CAMTA1: variants seen among roughly 807,000 people sequenced by gnomAD.
CAMTA1 encodes the protein calmodulin-binding transcription activator 1.
Under a neutral mutation model 170.9 loss-of-function variants are expected in CAMTA1, and 27 were observed. The ratio of observed to expected loss-of-function variants is 0.16; its 90% CI spans 0.12 to 0.22. CAMTA1 has a LOEUF of 0.22. Ranked by LOEUF, CAMTA1 falls within the 10% of genes least tolerant of loss-of-function variation. The pLI, the probability that CAMTA1 is intolerant of heterozygous loss-of-function variation, is 1.00. For missense variants in CAMTA1, 1,619 were observed against 2,217.2 expected, an observed-to-expected ratio of 0.73 and a Z score of 5.42; for synonymous variants, 833 against 891.5, an observed-to-expected ratio of 0.93 and a Z score of 1.17.
chr1:7,494,738 A>G (rs2093797765), intron 6 of CAMTA1, among the ~76,000 whole-genome samples: 1 of 152,196 alleles, frequency 6.6e-6, no homozygotes, highest in African/African-American at 2.4e-5. Flanking sequence ...CCAGAAGTAG[A>G]GATTGCAGTG....
chr1:7,567,624 T>G lies in CAMTA1; in HGVS notation c.511-72776T>G, dbSNP rs531261952. Reference sequence around the variant, plus strand: ...GCACTGGTGGGTCCCACCTTGGTCCTGGATTATCCACATGTGAATCACCCA... The same window carrying G: ...GCACTGGTGGGTCCCACCTTGGTCCGGGATTATCCACATGTGAATCACCCA... On this transcript the variant is annotated intron_variant, in intron 6 of 22. Transcript: ENST00000303635. Among the ~76,000 whole-genome samples, 3 of 152,332 alleles carry G rather than the reference T, an allele frequency of 2.0e-5. No homozygotes were observed. The South Asian group carries it at 6.2e-4, about 32-fold the overall frequency.
chr1:7,281,531 G>A (rs947704042), intron 5 of CAMTA1, among the ~76,000 whole-genome samples: 8 of 152,246 alleles, frequency 5.3e-5, no homozygotes, highest in South Asian at 2.1e-4. Flanking sequence ...ACTTGAAAAC[G>A]AGCATGTTCT....
At chr1:6,908,094 T>C (rs1678936532) in intron 3 of CAMTA1, among the ~76,000 whole-genome samples, 1 of 152,214 alleles carries the variant, frequency 6.6e-6, no homozygotes, top group African/African-American at 2.4e-5. Flanking sequence ...CCCCAGACAG[T>C]GCCCACCCTG....
intron 3 of CAMTA1, among the ~76,000 whole-genome samples, chr1:6,855,527 A>T (rs1177330724): frequency 5.3e-5 from 8 of 151,878 alleles, no homozygotes; most frequent in African/African-American, 1.9e-4. Flanking sequence ...CTGAGAACTC[A>T]ATCATGAGAA....
chr1:7,595,790 T>C (rs905495903), intron 6 of CAMTA1, among the ~76,000 whole-genome samples: 1 of 152,238 alleles, frequency 6.6e-6, no homozygotes, highest in Non-Finnish European at 1.5e-5. Flanking sequence ...GATCTGAGTG[T>C]TGAGGTCTGA....
chr1:6,851,841 C>G (rs2148813480), intron 3 of CAMTA1, among the ~76,000 whole-genome samples: 1 of 152,104 alleles, frequency 6.6e-6, no homozygotes, highest in South Asian at 2.1e-4. Context: ...TGGTGAAACC[C>G]TGTCTCTACT....
Position 7,343,000 on chromosome 1 carries a change from A to G in CAMTA1, c.438+93374A>G, listed in dbSNP as rs1172300828. Among the ~76,000 whole-genome samples, 6 of 152,190 alleles carry G rather than the reference A, an allele frequency of 3.9e-5. No homozygotes were observed. The East Asian group carries it at 5.8e-4, about 15-fold the overall frequency. Reference sequence around the variant, plus strand: ...GGGCACCAGTCCTACAGAGCATCACACAGCGCCAGCCCTCTCTCCTTTTCT... The same window carrying G: ...GGGCACCAGTCCTACAGAGCATCACGCAGCGCCAGCCCTCTCTCCTTTTCT... On this transcript the variant is annotated intron_variant, in intron 5 of 22. Coordinates refer to ENST00000303635, the MANE Select transcript of CAMTA1 (RefSeq NM_015215.4).
chr1:7,034,973 C>G (rs1028804878), intron 3 of CAMTA1, among the ~76,000 whole-genome samples: 4 of 152,114 alleles, frequency 2.6e-5, no homozygotes, highest in Non-Finnish European at 5.9e-5. Flanking sequence ...GCTCATTTAG[C>G]TTGTAACTCA....
intron 6 of CAMTA1, among the ~76,000 whole-genome samples, chr1:7,555,239 T>G (rs934863196): frequency 6.6e-6 from 1 of 152,188 alleles, no homozygotes; most frequent in South Asian, 2.1e-4. Flanking sequence ...ACAGCTTCGA[T>G]TGACAGAAAG....
At chr1:7,127,870 C>G (rs1320075913) in intron 4 of CAMTA1, among the ~76,000 whole-genome samples, 1 of 152,178 alleles carries the variant, frequency 6.6e-6, no homozygotes, top group Non-Finnish European at 1.5e-5. Context: ...GCAACTTTGG[C>G]TCTTGGCTGG....
intron 4 of CAMTA1, among the ~76,000 whole-genome samples, chr1:7,098,225 T>C (rs557974372): frequency 1.3e-5 from 2 of 152,250 alleles, no homozygotes; most frequent in Non-Finnish European, 2.9e-5. Flanking sequence ...TTTAGGACTC[T>C]GCACTTTGGA....
chr1:7,375,722 G>A lies in CAMTA1; in HGVS notation c.439-92108G>A, dbSNP rs572412307. The stretch of plus-strand genomic sequence containing the variant: ...GGATGGCAGTAAATACTGGGGCCTC[G>A]ATTCCAGGCAAGAGATGTTAGACTC... On this transcript the variant is annotated intron_variant, in intron 5 of 22. Coordinates refer to ENST00000303635, the MANE Select transcript of CAMTA1 (RefSeq NM_015215.4). Among the ~76,000 whole-genome samples, 35 of 152,356 alleles carry A rather than the reference G, an allele frequency of 2.3e-4. 1 individual carries two copies. Among genetic ancestry groups the A allele is most frequent in the African/African-American group, 7.7e-4 (32 of 41,584 alleles).
rs1044245 is a variant in CAMTA1, at chr1:7,769,047, G to A, written c.*2556G>A. ...ACATGTTACATTATTAGCTGAATAC[G>A]TTAGAAAATGACAGATGGTAGAGAC... is the stretch of plus-strand genomic sequence containing the variant. On this transcript the variant is annotated 3_prime_UTR_variant, in exon 23 of 23. Transcript: ENST00000303635. The A allele has an allele frequency of 0.094, 14,228 of 152,110 alleles. 911 individuals are homozygous for A. The highest frequency in any genetic ancestry group is 0.21 in the Middle Eastern group (63 of 294). The allele number at this position is 152,110 out of a possible 1,614,324, so 9.4% of individuals were successfully genotyped here.
At chr1:7,656,128 T>G (rs2095901128) in intron 7 of CAMTA1, among the ~76,000 whole-genome samples, 1 of 152,204 alleles carries the variant, frequency 6.6e-6, no homozygotes, top group Non-Finnish European at 1.5e-5. Context: ...GCCAATACAC[T>G]TGTGTTCTTT....
In CAMTA1 at chr1:7,733,479, A is replaced by AT. The variant is rs532695268; in HGVS notation, c.3066+881dup. Among the ~76,000 whole-genome samples the AT allele has an allele frequency of 1.1e-4, 16 of 152,346 alleles. No individual in the cohort carries two copies. In the South Asian group the frequency reaches 3.3e-3, roughly 32 times the overall value. On this transcript the variant is annotated intron_variant, in intron 12 of 22. Transcript: ENST00000303635. ...TTTCTGTAAGTTCCATAAAGAATGT[A>AT]TGATATTGCCAAGTACGAGTAAATT...
rs1708908593 is a variant in CAMTA1, at chr1:7,066,000, C to T, written c.235-25304C>T. Reference sequence around the variant, plus strand: ...GCAAGCACAAGGCGGAGAAATGAGACCTGCTGGTGCTTACACCAGAACTGA... The same window carrying T: ...GCAAGCACAAGGCGGAGAAATGAGATCTGCTGGTGCTTACACCAGAACTGA... On this transcript the variant is annotated intron_variant, in intron 3 of 22. Coordinates refer to ENST00000303635, the MANE Select transcript of CAMTA1 (RefSeq NM_015215.4). The surrounding 1 kb of genome is among the most constrained non-coding windows in gnomAD (Gnocchi z 5.2). Among the ~76,000 whole-genome samples, 1 of 152,066 alleles carries T rather than the reference C, an allele frequency of 6.6e-6. No individual in the cohort carries two copies. Among genetic ancestry groups the T allele is most frequent in the Non-Finnish European group, 1.5e-5 (1 of 68,036 alleles).
intron 6 of CAMTA1, among the ~76,000 whole-genome samples, chr1:7,512,510 G>T (rs1232858991): frequency 6.6e-6 from 1 of 152,232 alleles, no homozygotes; most frequent in African/African-American, 2.4e-5. Flanking sequence ...AGATTCAGTG[G>T]CTGTGTCCAG....
At chr1:7,253,264 C>T (rs1039976944) in intron 5 of CAMTA1, among the ~76,000 whole-genome samples, 6 of 152,128 alleles carry the variant, frequency 3.9e-5, no homozygotes, top group South Asian at 4.1e-4. Context: ...TGAAGCATCA[C>T]CCTGGTTCCG....
At chr1:7,594,513 G>T (rs1323451270) in intron 6 of CAMTA1, among the ~76,000 whole-genome samples, 1 of 152,220 alleles carries the variant, frequency 6.6e-6, no homozygotes, top group African/African-American at 2.4e-5. Flanking sequence ...TGATCTGATT[G>T]ATGTGTTTTA....
Sources: allele counts gnomAD v4.1 joint callset (sites outside exome capture counted in the v4.1 genomes callset), GRCh38; gene constraint gnomAD v4.1.1; non-coding constraint Gnocchi (gnomAD v3.1); transcripts MANE v1.5; gene names NCBI Gene and HGNC (gene_info 2026-07-23, HGNC 2026-07-21).